Variants in GLIS1 observed in about 807,000 individuals in gnomAD.
GLIS1 encodes the protein zinc finger protein GLIS1.
Under a neutral mutation model 63.8 loss-of-function variants are expected in GLIS1, and 24 were observed. The observed-to-expected ratio is 0.38, with a 90% CI of 0.27 to 0.53. The LOEUF is 0.53. Among genes scored for constraint, GLIS1 ranks in the 20% least tolerant of loss-of-function variants. The pLI, the probability that GLIS1 is intolerant of heterozygous loss-of-function variation, is 0.85. For missense variants in GLIS1, 1,036 were observed against 1,074.1 expected (o/e 0.96, Z 0.50); for synonymous variants, 450 against 482.5 (o/e 0.93, Z 0.88).
chr1:53,714,707 G>A (rs1026689538), intron 2 of GLIS1, among the ~76,000 whole-genome samples: 1 of 152,220 alleles, frequency 6.6e-6, no homozygotes, highest in African/African-American at 2.4e-5. Context: ...ACTGAGATGA[G>A]ATGAATTAAG....
chr1:53,713,524 G>C (rs1405625056), intron 2 of GLIS1, among the ~76,000 whole-genome samples: 1 of 151,930 alleles, frequency 6.6e-6, no homozygotes, highest in Non-Finnish European at 1.5e-5. Context: ...AGACCAGCCT[G>C]GGCAACACAG....
chr1:53,602,082 C>A (rs1645324103), intron 2 of GLIS1, among the ~76,000 whole-genome samples: 1 of 152,234 alleles, frequency 6.6e-6, no homozygotes, highest in Non-Finnish European at 1.5e-5. Context: ...ACCTTCCCAG[C>A]CCCAGCCCCA....
chr1:53,720,635 T>C (rs2100548569), intron 2 of GLIS1, among the ~76,000 whole-genome samples: 1 of 152,278 alleles, frequency 6.6e-6, no homozygotes, highest in East Asian at 1.9e-4. Flanking sequence ...GGAGAGGAAC[T>C]GGAATGTTTC....
In GLIS1 at chr1:53,594,769, G is replaced by A. The variant is rs752145660; in HGVS notation, c.659C>T (p.Pro220Leu). The change falls in exon 4 of 11, where the codon CCC becomes CTC. Residue 220 changes from proline to leucine, a missense_variant. Pro to Leu is a moderately conservative substitution (Grantham distance 98, BLOSUM62 -3). Transcript: ENST00000628545. ...APSCYLLGSE[P>L]SSGLGLQPET... is the part of the protein sequence containing the mutation. Reference sequence around the variant, plus strand: ...GGGCTGGAGGCCCAGGCCAGAGCTGGGTTCGCTGCCCAGAAGGTAGCAGGA... The same window carrying A: ...GGGCTGGAGGCCCAGGCCAGAGCTGAGTTCGCTGCCCAGAAGGTAGCAGGA... 4 of 1,599,078 alleles carry A rather than the reference G, an allele frequency of 2.5e-6. No homozygotes were observed. The highest frequency in any genetic ancestry group is 1.1e-5 in the South Asian group (1 of 88,126).
rs563730768 is a variant in GLIS1 at position 53,582,913 on chromosome 1, G to T, written c.1320+11195C>A. Among the ~76,000 whole-genome samples the T allele has an allele frequency of 2.6e-5, 4 of 152,262 alleles. No homozygotes were observed. The South Asian group carries it at 8.3e-4, about 32-fold the overall frequency. On this transcript the variant is annotated intron_variant, in intron 4 of 10. Coordinates refer to ENST00000628545, the MANE Select transcript of GLIS1 (RefSeq NM_001367484.1). The stretch of plus-strand genomic sequence containing the variant: ...AGGAGGGAGGGGAGCAGGTAGAAGG[G>T]GTACTGGGGATCTTACGGAAGTATC...
intron 2 of GLIS1, among the ~76,000 whole-genome samples, chr1:53,717,089 T>A (rs1032184480): frequency 6.6e-6 from 1 of 152,186 alleles, no homozygotes; most frequent in Non-Finnish European, 1.5e-5. Context: ...GACAATTGAA[T>A]TCTCTCTTCA....
chr1:53,587,598 C>T, intron 4 of GLIS1, among the ~76,000 whole-genome samples: 1 of 152,208 alleles, frequency 6.6e-6, no homozygotes, highest in East Asian at 1.9e-4. Context: ...TTTTACTTTT[C>T]AACCCATGAG....
intron 4 of GLIS1, among the ~76,000 whole-genome samples, chr1:53,555,443 T>A (rs1254147523): frequency 6.6e-6 from 1 of 152,030 alleles, no homozygotes; most frequent in African/African-American, 2.4e-5. Flanking sequence ...GGCAGGAGAA[T>A]CACCTGAACC....
At chr1:53,543,163 T>C (rs921006499) in intron 4 of GLIS1, among the ~76,000 whole-genome samples, 7 of 152,210 alleles carry the variant, frequency 4.6e-5, no homozygotes, top group Admixed American at 2.6e-4. Flanking sequence ...TTTTTTCTCT[T>C]TCTCACTCCA....
At chr1:53,604,835 G>A (rs1403607340) in intron 2 of GLIS1, among the ~76,000 whole-genome samples, 3 of 151,756 alleles carry the variant, frequency 2.0e-5, no homozygotes, top group Non-Finnish European at 4.4e-5. Context: ...AAAAGTAAAT[G>A]ATTTAGGCTT....
intron 2 of GLIS1, among the ~76,000 whole-genome samples, chr1:53,712,271 A>AGATTCT (rs780356005): frequency 2.0e-5 from 3 of 152,236 alleles, no homozygotes; most frequent in Non-Finnish European, 4.4e-5. Flanking sequence ...TGTGAAAATC[A>AGATTCT]GATTCTGATG....
chr1:53,696,128 A>T (rs916986830), intron 2 of GLIS1, among the ~76,000 whole-genome samples: 1 of 152,264 alleles, frequency 6.6e-6, no homozygotes, highest in African/African-American at 2.4e-5. Context: ...CCCCTCAGGG[A>T]GCTGGCGAGC....
At chr1:53,720,100 C>T (rs1426619020) in intron 2 of GLIS1, among the ~76,000 whole-genome samples, 1 of 152,186 alleles carries the variant, frequency 6.6e-6, no homozygotes, top group African/African-American at 2.4e-5. Flanking sequence ...TGCTTGAATC[C>T]AGGAACCAGA....
intron 4 of GLIS1, among the ~76,000 whole-genome samples, chr1:53,561,786 G>C (rs1228849455): frequency 2.0e-5 from 3 of 152,236 alleles, no homozygotes; most frequent in Admixed American, 1.3e-4. Flanking sequence ...GGGAGCCAAG[G>C]TGCTCTGGTT....
At chr1:53,533,426 C>T (rs1644550880) in intron 4 of GLIS1, among the ~76,000 whole-genome samples, 1 of 152,198 alleles carries the variant, frequency 6.6e-6, no homozygotes, top group African/African-American at 2.4e-5. Flanking sequence ...AGAAAGGTAC[C>T]CCGATAAGTG....
At chr1:53,556,743 T>A (rs1398197188) in intron 4 of GLIS1, among the ~76,000 whole-genome samples, 1 of 142,548 alleles carries the variant, frequency 7.0e-6, no homozygotes, top group African/African-American at 2.7e-5. Flanking sequence ...TGGAGGTGTG[T>A]GTGTGCGCAG....
chr1:53,634,228 G>A (rs1022294150), intron 2 of GLIS1, among the ~76,000 whole-genome samples: 1 of 152,180 alleles, frequency 6.6e-6, no homozygotes, highest in Non-Finnish European at 1.5e-5. Flanking sequence ...GTGTCTACCA[G>A]CAGATCTGCA....
intron 4 of GLIS1, among the ~76,000 whole-genome samples, chr1:53,584,249 G>A (rs1298656781): frequency 6.6e-6 from 1 of 152,166 alleles, no homozygotes; most frequent in Non-Finnish European, 1.5e-5. Flanking sequence ...CCTTACACTA[G>A]ACCTTGAGGC....
intron 2 of GLIS1, among the ~76,000 whole-genome samples, chr1:53,656,511 A>T (rs567743070): frequency 3.6e-4 from 55 of 152,346 alleles, no homozygotes; most frequent in African/African-American, 1.2e-3. Context: ...CTCTAAAATG[A>T]CAGTGGCCAA....
Sources: gnomAD v4.1 joint callset for allele counts (sites outside exome capture counted in the v4.1 genomes callset) on GRCh38, gnomAD v4.1.1 for gene constraint, MANE v1.5 for transcripts, NCBI Gene and HGNC (gene_info 2026-07-23, HGNC 2026-07-21) for gene names.